The following SH3BGRL variants were observed in gnomAD, a reference collection of about 807,000 sequenced individuals.
The protein encoded by SH3BGRL is adapter SH3BGRL.
Under a neutral mutation model 9.8 loss-of-function variants are expected in SH3BGRL, and 7 were observed. The ratio of observed to expected loss-of-function variants is 0.72; its 90% CI spans 0.41 to 1.35. The LOEUF is 1.35. Among genes scored for constraint, SH3BGRL ranks in the 40% most tolerant of loss-of-function variants. The pLI is 0.01. For synonymous variants in SH3BGRL, 36 were observed against 29.1 expected (o/e 1.24, Z -0.76); for missense variants, 73 against 84.4 (o/e 0.86, Z 0.53).
Position 81,240,478 on chromosome X carries a change from G to A in SH3BGRL, c.46-36506G>A, listed in dbSNP as rs191496561. Among the ~76,000 whole-genome samples the A allele has an allele frequency of 6.2e-5, 7 of 112,026 alleles. No homozygotes were observed. The East Asian group carries it at 1.7e-3, about 27-fold the overall frequency. On this transcript the variant is annotated intron_variant, in intron 1 of 3. Transcript: ENST00000373212. Reference sequence around the variant, plus strand: ...GCCAGAAATAAAATTAAATAGCGGGGCGTTAACCAAAGAAGTAAATGATCT... The same window carrying A: ...GCCAGAAATAAAATTAAATAGCGGGACGTTAACCAAAGAAGTAAATGATCT...
At chrX:81,219,029 G>A (rs899768492) in intron 1 of SH3BGRL, among the ~76,000 whole-genome samples, 11 of 108,508 alleles carry the variant, frequency 1.0e-4, no homozygotes, top group Admixed American at 3.0e-4. Context: ...GAAAGAAATC[G>A]AAAACTTATT....
intron 1 of SH3BGRL, among the ~76,000 whole-genome samples, chrX:81,207,591 T>C (rs564558994): frequency 8.9e-6 from 1 of 112,545 alleles, no homozygotes; most frequent in East Asian, 2.8e-4. Context: ...ATTGATTTTG[T>C]GTATGCAAGG....
intron 1 of SH3BGRL, among the ~76,000 whole-genome samples, chrX:81,203,160 T>A (rs1455210653): frequency 8.9e-6 from 1 of 112,313 alleles, no homozygotes; most frequent in Admixed American, 9.4e-5. Flanking sequence ...AAAGTGCTTC[T>A]GCTTTTTACA....
At chrX:81,280,879 G>A (rs2075814628) in intron 3 of SH3BGRL, among the ~76,000 whole-genome samples, 1 of 111,248 alleles carries the variant, frequency 9.0e-6, no homozygotes, top group African/African-American at 3.3e-5. Context: ...ATCAGGGAGG[G>A]AACAGAGAAA....
intron 1 of SH3BGRL, among the ~76,000 whole-genome samples, chrX:81,250,486 G>A (rs12389790): frequency 0.22 from 24,524 of 110,278 alleles, 2,195 homozygotes; most frequent in East Asian, 0.69. Flanking sequence ...TTCCCTTCCT[G>A]GTCTCACGCA....
At chrX:81,269,041 C>T (rs1393338866) in intron 1 of SH3BGRL, among the ~76,000 whole-genome samples, 1 of 111,277 alleles carries the variant, frequency 9.0e-6, no homozygotes, top group African/African-American at 3.3e-5. Flanking sequence ...GATTGCAACT[C>T]CTGCTTTTTT....
chrX:81,243,122 T>C (rs1007121728), intron 1 of SH3BGRL, among the ~76,000 whole-genome samples: 1 of 112,242 alleles, frequency 8.9e-6, no homozygotes, highest in Non-Finnish European at 1.9e-5. Context: ...TAGGTAAGAT[T>C]TGGAAGCAAT....
At chrX:81,234,074 C>G (rs1054820465) in intron 1 of SH3BGRL, among the ~76,000 whole-genome samples, 1 of 111,575 alleles carries the variant, frequency 9.0e-6, no homozygotes, top group African/African-American at 3.3e-5. Flanking sequence ...ATATTTACCT[C>G]TACTCTCTAG....
At chrX:81,252,493 C>T (rs1270728139) in intron 1 of SH3BGRL, among the ~76,000 whole-genome samples, 1 of 111,774 alleles carries the variant, frequency 8.9e-6, no homozygotes, top group Non-Finnish European at 1.9e-5. Context: ...TGGAAACTGG[C>T]TTATAACTGA....
intron 1 of SH3BGRL, among the ~76,000 whole-genome samples, chrX:81,222,057 T>C (rs1399131067): frequency 2.7e-5 from 3 of 112,496 alleles, no homozygotes; most frequent in African/African-American, 6.4e-5. Context: ...GAAAGAAATA[T>C]ACAACCTCCT....
At chrX:81,284,454 G>A (rs2075828159) in intron 3 of SH3BGRL, among the ~76,000 whole-genome samples, 1 of 110,248 alleles carries the variant, frequency 9.1e-6, no homozygotes, top group South Asian at 3.8e-4. Flanking sequence ...GCTTGTGCCT[G>A]TAAAGACCTG....
At chrX:81,214,358 G>A (rs1247565097) in intron 1 of SH3BGRL, among the ~76,000 whole-genome samples, 3 of 111,468 alleles carry the variant, frequency 2.7e-5, no homozygotes, top group Non-Finnish European at 5.7e-5. Flanking sequence ...CTAGTTTGGT[G>A]AGAGGAAAGG....
intron 1 of SH3BGRL, among the ~76,000 whole-genome samples, chrX:81,206,892 T>G (rs2075549458): frequency 8.9e-6 from 1 of 112,318 alleles, no homozygotes; most frequent in Non-Finnish European, 1.9e-5. Flanking sequence ...GAATGCAGCT[T>G]CCAAGTAGTC....
At position 81,225,783 on chromosome X, in the gene SH3BGRL, A is replaced by G. The variant is rs185234811; in HGVS notation, c.45+23538A>G. Reference sequence around the variant, plus strand: ...CCTAGTTGAAATGTTAACCAATATTATGGGTCACTACTAATTATATTGTAA... The same window carrying G: ...CCTAGTTGAAATGTTAACCAATATTGTGGGTCACTACTAATTATATTGTAA... On this transcript the variant is annotated intron_variant, in intron 1 of 3. Transcript: ENST00000373212. Among the ~76,000 whole-genome samples, 46 of 111,592 alleles carry G rather than the reference A, an allele frequency of 4.1e-4. No homozygotes were observed. The East Asian group carries it at 7.6e-3, about 19-fold the overall frequency.
At chrX:81,202,428 T>TTC (rs2075531447) in intron 1 of SH3BGRL, 183 bp downstream of exon 1, 15 of 1,017,518 alleles carry the variant, frequency 1.5e-5, no homozygotes, top group Non-Finnish European at 1.7e-5. Context: ...TTTTTTTTTT[T>TTC]CCACATAGAG....
intron 1 of SH3BGRL, among the ~76,000 whole-genome samples, chrX:81,212,754 C>T (rs930153601): frequency 9.0e-6 from 1 of 111,359 alleles, no homozygotes; most frequent in African/African-American, 3.3e-5. Context: ...CCTTATGCTG[C>T]CCAAATGCCA....
In SH3BGRL at chrX:81,266,367, A is replaced by G. The variant is rs1323287207; in HGVS notation, c.46-10617A>G. On this transcript the variant is annotated intron_variant, in intron 1 of 3. Transcript: ENST00000373212. The stretch of plus-strand genomic sequence containing the variant: ...TAAGTCTTTGATCCATCTTGAGTTG[A>G]TTTTTGTATACAGTGTAAGGAAGGG... Among the ~76,000 whole-genome samples the G allele has an allele frequency of 4.5e-5, 5 of 111,408 alleles. No individual in the cohort carries two copies. In the Admixed American group the frequency reaches 4.7e-4, roughly 11 times the overall value.
chrX:81,206,273 C>CA (rs2075547826), intron 1 of SH3BGRL, among the ~76,000 whole-genome samples: 1 of 110,547 alleles, frequency 9.0e-6, no homozygotes, highest in African/African-American at 3.3e-5. Flanking sequence ...AGGTTTTACC[C>CA]AAAAAATCTT....
chrX:81,286,263 C>T (rs1028983266), intron 3 of SH3BGRL, among the ~76,000 whole-genome samples: 3 of 110,348 alleles, frequency 2.7e-5, no homozygotes, highest in African/African-American at 9.9e-5. Context: ...AGGAAAACGA[C>T]TCTATTGGCA....
Sources: allele counts gnomAD v4.1 joint callset (sites outside exome capture counted in the v4.1 genomes callset), GRCh38; gene constraint gnomAD v4.1.1; transcripts MANE v1.5; gene names NCBI Gene and HGNC (gene_info 2026-07-23, HGNC 2026-07-21).